The following P4HA1 variants were observed in gnomAD, a reference collection of about 807,000 sequenced individuals.
The protein encoded by P4HA1 is prolyl 4-hydroxylase subunit alpha 1.
P4HA1 carries 24 observed loss-of-function variants against 72.8 expected under a neutral mutation model. The ratio of observed to expected loss-of-function variants is 0.33; its 90% CI spans 0.24 to 0.46. The LOEUF is 0.46. P4HA1 is among the 20% of genes least tolerant of loss of function. The probability of loss-of-function intolerance (pLI) is 1.00; values close to 1 mark genes in which losing one functional copy is unlikely to be tolerated. For missense variants in P4HA1, 446 were observed against 640.6 expected, an observed-to-expected ratio of 0.70 and a Z score of 3.28; for synonymous variants, 201 against 218.8, an observed-to-expected ratio of 0.92 and a Z score of 0.72.
chr10:73,094,633 T>C (rs1409213145), intron 1 of P4HA1, among the ~76,000 whole-genome samples: 2 of 152,194 alleles, frequency 1.3e-5, no homozygotes, highest in African/African-American at 2.4e-5. Flanking sequence ...ACAAGCTTTA[T>C]GGCTGTCCCA....
At position 73,008,027 on chromosome 10, in the gene P4HA1, TATG is replaced by T. The variant is rs1839830949; in HGVS notation, c.*192_*194del. ...AACAGAACTTTAAGGTTTTATGCAATATGATGATTTCGTGTTACTTTTAAAAGA... is the reference window on the plus strand; with the variant it reads ...AACAGAACTTTAAGGTTTTATGCAATATGATTTCGTGTTACTTTTAAAAGA... On this transcript the variant is annotated 3_prime_UTR_variant, in exon 15 of 15. Transcript: ENST00000394890. The T allele has an allele frequency of 6.3e-6, 2 of 319,916 alleles. No homozygotes were observed. The highest frequency in any genetic ancestry group is 1.0e-5 in the Non-Finnish European group (2 of 190,848). 19.8% of individuals were successfully genotyped at this position (319,916 alleles called of 1,614,324 possible). A position where few individuals can be genotyped will look rare whatever the true frequency, so the allele number is the denominator to read the frequency against.
At chr10:73,085,612 AC>A (rs71482544) in intron 1 of P4HA1, among the ~76,000 whole-genome samples, 1 of 152,012 alleles carries the variant, frequency 6.6e-6, no homozygotes, top group South Asian at 2.1e-4. Flanking sequence ...TGAACTCCCA[AC>A]CTCAGGTGAT....
At chr10:73,008,667 C>T (rs1396505008) in intron 14 of P4HA1, among the ~76,000 whole-genome samples, 3 of 152,112 alleles carry the variant, frequency 2.0e-5, no homozygotes, top group Non-Finnish European at 2.9e-5. Flanking sequence ...TTTCAAAGTA[C>T]AGCCTCCAAA....
chr10:73,015,890 A>T (rs1589573309), intron 11 of P4HA1, among the ~76,000 whole-genome samples: 1 of 146,648 alleles, frequency 6.8e-6, no homozygotes. Context: ...TTTTTTTTTT[A>T]ACTGGTAAAA....
chr10:73,041,399 C>T (rs1201638477), intron 9 of P4HA1, among the ~76,000 whole-genome samples: 2 of 151,820 alleles, frequency 1.3e-5, no homozygotes, highest in African/African-American at 2.4e-5. Context: ...AAAAATTAGC[C>T]GGGCAGCAGC....
At chr10:73,019,730 G>GAAAAAAAAA (rs3066045) in intron 10 of P4HA1, among the ~76,000 whole-genome samples, 2,848 of 65,212 alleles carry the variant, frequency 0.044, 608 homozygotes, top group East Asian at 0.17. Flanking sequence ...CTCTGTCTCA[G>GAAAAAAAAA]AAAAAAAAAA....
chr10:73,076,054 A>G (rs962683126), intron 1 of P4HA1, among the ~76,000 whole-genome samples: 4 of 152,098 alleles, frequency 2.6e-5, no homozygotes, highest in African/African-American at 9.7e-5. Context: ...CAGCTTGGGC[A>G]ATACAGCAAG....
intron 9 of P4HA1, among the ~76,000 whole-genome samples, chr10:73,042,065 G>A (rs145035080): frequency 7.8e-4 from 118 of 151,570 alleles, no homozygotes; most frequent in Non-Finnish European, 1.6e-3. Context: ...CTCAGGCTGC[G>A]GTCTTCATTT....
At chr10:73,088,778 G>A (rs1197296308) in intron 1 of P4HA1, among the ~76,000 whole-genome samples, 1 of 152,150 alleles carries the variant, frequency 6.6e-6, no homozygotes, top group African/African-American at 2.4e-5. Context: ...CTGTTGAACT[G>A]CCCTTAAACT....
At chr10:73,092,167 A>T (rs539803727) in intron 1 of P4HA1, among the ~76,000 whole-genome samples, 1 of 152,260 alleles carries the variant, frequency 6.6e-6, no homozygotes, top group East Asian at 1.9e-4. Flanking sequence ...GTTGTAGAGG[A>T]TGTGAATCTA....
chr10:73,082,163 T>C (rs1841838925), intron 1 of P4HA1, among the ~76,000 whole-genome samples: 1 of 152,206 alleles, frequency 6.6e-6, no homozygotes, highest in South Asian at 2.1e-4. Flanking sequence ...CTAATTTAAG[T>C]GTTCTGTTTT....
At chr10:73,079,510 G>A (rs1303698225) in intron 1 of P4HA1, among the ~76,000 whole-genome samples, 2 of 152,214 alleles carry the variant, frequency 1.3e-5, no homozygotes, top group Non-Finnish European at 2.9e-5. Context: ...GGGAGGCCAA[G>A]GTGGATGGAT....
At chr10:73,028,412 T>G (rs972805107) in intron 10 of P4HA1, among the ~76,000 whole-genome samples, 3 of 152,026 alleles carry the variant, frequency 2.0e-5, no homozygotes, top group Non-Finnish European at 4.4e-5. Context: ...ATTTTGGTCT[T>G]CTGATAAATT....
At chr10:73,071,340 C>T (rs1841558447) in intron 4 of P4HA1, 2 of 152,092 alleles carry the variant, frequency 1.3e-5, no homozygotes, top group African/African-American at 2.4e-5. Context: ...AAGTTTACTT[C>T]ACTGCTTACA....
chr10:73,068,480 A>T (rs1841476748), intron 5 of P4HA1, among the ~76,000 whole-genome samples: 1 of 152,208 alleles, frequency 6.6e-6, no homozygotes, highest in African/African-American at 2.4e-5. Flanking sequence ...TTAATTATTT[A>T]ACATATAAAC....
chr10:73,025,561 G>A (rs1442996748), intron 10 of P4HA1, among the ~76,000 whole-genome samples: 1 of 152,056 alleles, frequency 6.6e-6, no homozygotes, highest in Non-Finnish European at 1.5e-5. Flanking sequence ...ACAAGACAAG[G>A]ATACCCTCCC....
intron 9 of P4HA1, among the ~76,000 whole-genome samples, chr10:73,039,058 T>A (rs1840671299): frequency 6.6e-6 from 1 of 152,092 alleles, no homozygotes; most frequent in Non-Finnish European, 1.5e-5. Context: ...TCTGGGAGGA[T>A]CACTTGAGCC....
intron 5 of P4HA1, among the ~76,000 whole-genome samples, chr10:73,062,032 T>G (rs1439507900): frequency 2.0e-5 from 3 of 152,106 alleles, no homozygotes; most frequent in Non-Finnish European, 4.4e-5. Flanking sequence ...AAAATAAATT[T>G]TAATAAAGAC....
intron 1 of P4HA1, 130 bp from the exon 2 acceptor site, chr10:73,075,045 T>C (rs1589622101): frequency 1.9e-6 from 1 of 539,556 alleles, no homozygotes; most frequent in East Asian, 3.2e-5. Flanking sequence ...TTAGTTATTA[T>C]CAATTGTTTA....
Sources: allele counts gnomAD v4.1 joint callset (sites outside exome capture counted in the v4.1 genomes callset), GRCh38; gene constraint gnomAD v4.1.1; transcripts MANE v1.5; gene names NCBI Gene and HGNC (gene_info 2026-07-23, HGNC 2026-07-21).